Variants in EPB41L4A observed in about 807,000 individuals in gnomAD.
EPB41L4A encodes the protein erythrocyte membrane protein band 4.1 like 4A.
In EPB41L4A, 100 loss-of-function variants were observed where a neutral mutation model predicts 108.6. The ratio of observed to expected loss-of-function variants is 0.92; its 90% CI spans 0.78 to 1.09. EPB41L4A has a LOEUF of 1.09. Among genes scored for constraint, EPB41L4A ranks in the 50% least tolerant of loss-of-function variants. EPB41L4A has a pLI of 0.00. For synonymous variants in EPB41L4A, 319 were observed against 289.0 expected (o/e 1.10, Z -1.05); for missense variants, 1,030 against 842.7 (o/e 1.22, Z -2.75).
chr5:112,233,629 A>C (rs1380397094), intron 12 of EPB41L4A, among the ~76,000 whole-genome samples: 1 of 152,012 alleles, frequency 6.6e-6, no homozygotes, highest in Non-Finnish European at 1.5e-5. Context: ...CTCAGGCTAT[A>C]CTCAAACTCC....
At position 112,212,073 on chromosome 5, in the gene EPB41L4A, A is replaced by T. The variant is rs942317059; in HGVS notation, c.1088-2091T>A. The stretch of plus-strand genomic sequence containing the variant: ...CCTGGAACTACTCCACGTGCCATCA[A>T]ACGTCAGCAGTGGCCAGTCACCATC... On this transcript the variant is annotated intron_variant, in intron 12 of 22. Transcript: ENST00000261486. Among the ~76,000 whole-genome samples, 3 of 152,200 alleles carry T rather than the reference A, an allele frequency of 2.0e-5. No homozygotes were observed. The South Asian group carries it at 6.2e-4, about 31-fold the overall frequency.
At chr5:112,389,024 T>C (rs957910629) in intron 1 of EPB41L4A, among the ~76,000 whole-genome samples, 2 of 152,136 alleles carry the variant, frequency 1.3e-5, no homozygotes, top group Non-Finnish European at 2.9e-5. Flanking sequence ...TGTGAACTTA[T>C]GCTAAAGTAA....
chr5:112,413,308 C>A (rs1051516042), intron 1 of EPB41L4A, among the ~76,000 whole-genome samples: 1 of 152,190 alleles, frequency 6.6e-6, no homozygotes, highest in Non-Finnish European at 1.5e-5. Context: ...TCATTTTCTA[C>A]CCATTATCAA....
intron 12 of EPB41L4A, among the ~76,000 whole-genome samples, chr5:112,215,619 C>T (rs1747573200): frequency 6.6e-6 from 1 of 151,996 alleles, no homozygotes; most frequent in Admixed American, 6.6e-5. Flanking sequence ...AAAAATTAGC[C>T]AGGCGTGCTG....
intron 10 of EPB41L4A, 53 bp from the exon 11 acceptor site, chr5:112,239,790 TG>T: frequency 8.1e-7 from 1 of 1,236,062 alleles, no homozygotes; most frequent in Non-Finnish European, 1.2e-6. Flanking sequence ...ATAGGCATTC[TG>T]GGCCACCCCC....
rs543074534 is a variant in EPB41L4A at position 112,380,819 on chromosome 5, A to C, written c.99+38122T>G. Among the ~76,000 whole-genome samples the C allele has an allele frequency of 2.7e-5, 4 of 150,908 alleles. No individual in the cohort carries two copies. The South Asian group carries it at 8.5e-4, about 32-fold the overall frequency. ...CACACACACACACACACACACACAC[A>C]CACACACACAATTCAGCCAAGGGGA... On this transcript the variant is annotated intron_variant, in intron 1 of 22. Coordinates refer to ENST00000261486, the MANE Select transcript of EPB41L4A (RefSeq NM_022140.5).
chr5:112,325,296 C>T (rs1561573024), intron 1 of EPB41L4A, among the ~76,000 whole-genome samples: 1 of 152,124 alleles, frequency 6.6e-6, no homozygotes, highest in Non-Finnish European at 1.5e-5. Context: ...AAAAAATTAG[C>T]CGGGCGTAGT....
At chr5:112,415,598 T>C (rs759083823) in intron 1 of EPB41L4A, among the ~76,000 whole-genome samples, 4 of 152,194 alleles carry the variant, frequency 2.6e-5, no homozygotes, top group Non-Finnish European at 5.9e-5. Context: ...CTGAGCCACA[T>C]TCAAGTTTTG....
intron 11 of EPB41L4A, among the ~76,000 whole-genome samples, chr5:112,238,260 A>G (rs1427064851): frequency 1.3e-5 from 2 of 152,212 alleles, no homozygotes; most frequent in African/African-American, 4.8e-5. Context: ...ATATAAATGT[A>G]AACAATACTT....
intron 2 of EPB41L4A, among the ~76,000 whole-genome samples, chr5:112,281,828 T>C (rs1231449608): frequency 6.6e-6 from 1 of 152,228 alleles, no homozygotes; most frequent in East Asian, 1.9e-4. Flanking sequence ...ATGAATACTA[T>C]GACTATGAAT....
At chr5:112,241,865 C>A (rs188236026) in intron 9 of EPB41L4A, among the ~76,000 whole-genome samples, 1 of 152,202 alleles carries the variant, frequency 6.6e-6, no homozygotes, top group East Asian at 1.9e-4. Flanking sequence ...TATTTTTTGG[C>A]TTCCTAGAGC....
intron 12 of EPB41L4A, among the ~76,000 whole-genome samples, chr5:112,154,161 T>C (rs1055207318): frequency 3.3e-5 from 5 of 152,206 alleles, no homozygotes; most frequent in Non-Finnish European, 7.4e-5. Flanking sequence ...ATATACAATA[T>C]TGCAATCCCC....
intron 22 of EPB41L4A, among the ~76,000 whole-genome samples, chr5:112,167,232 G>A (rs115232243): frequency 0.01 from 1,576 of 151,826 alleles, 26 homozygotes; most frequent in African/African-American, 0.036. Flanking sequence ...AAGTTTAGCA[G>A]TATTAAAGTT....
At chr5:112,165,577 G>T (rs1322589841) in intron 22 of EPB41L4A, among the ~76,000 whole-genome samples, 1 of 152,162 alleles carries the variant, frequency 6.6e-6, no homozygotes, top group Non-Finnish European at 1.5e-5. Context: ...CATTACCAGA[G>T]CCTGGGCACC....
At chr5:112,410,817 T>C (rs1409959580) in intron 1 of EPB41L4A, among the ~76,000 whole-genome samples, 1 of 152,192 alleles carries the variant, frequency 6.6e-6, no homozygotes, top group Admixed American at 6.5e-5. Context: ...GCCTTTCTCC[T>C]AGAAAAGACT....
At chr5:112,416,453 T>C (rs998925144) in intron 1 of EPB41L4A, among the ~76,000 whole-genome samples, 11 of 152,078 alleles carry the variant, frequency 7.2e-5, no homozygotes, top group African/African-American at 2.7e-4. Flanking sequence ...TAAGATAGAA[T>C]AGGAAAAAGG....
intron 9 of EPB41L4A, among the ~76,000 whole-genome samples, chr5:112,257,556 T>C (rs1015700054): frequency 1.3e-5 from 2 of 152,192 alleles, no homozygotes; most frequent in African/African-American, 4.8e-5. Context: ...TTTTGCCTAA[T>C]CATGAAGTCC....
chr5:112,397,642 C>A (rs1761449044), intron 1 of EPB41L4A, among the ~76,000 whole-genome samples: 1 of 152,142 alleles, frequency 6.6e-6, no homozygotes, highest in South Asian at 2.1e-4. Context: ...TAAAACTTTA[C>A]ATTTTCTTTG....
chr5:112,262,394 C>T, intron 7 of EPB41L4A, 100 bp downstream of exon 7: 2 of 935,748 alleles, frequency 2.1e-6, no homozygotes. Flanking sequence ...CATCTGCTTG[C>T]TAAACAACAG....
Sources: gnomAD v4.1 joint callset for allele counts (sites outside exome capture counted in the v4.1 genomes callset) on GRCh38, gnomAD v4.1.1 for gene constraint, MANE v1.5 for transcripts, NCBI Gene and HGNC (gene_info 2026-07-23, HGNC 2026-07-21) for gene names.